The following CCR3 variants were observed in gnomAD, a reference collection of about 807,000 sequenced individuals.
CCR3 encodes C-C chemokine receptor type 3.
For synonymous variants in CCR3, 203 were observed against 179.2 expected, an observed-to-expected ratio of 1.13 and a Z score of -1.06; for missense variants, 419 against 437.5, an observed-to-expected ratio of 0.96 and a Z score of 0.38.
chr3:46,256,864 C>A (rs918668344), intron 1 of CCR3, among the ~76,000 whole-genome samples: 1 of 151,898 alleles, frequency 6.6e-6, no homozygotes. Flanking sequence ...GCCCAAAGAG[C>A]CAAGACCTCG....
Position 46,246,964 on chromosome 3 carries a change from T to C in CCR3, c.-12+4426T>C, listed in dbSNP as rs545388006. On this transcript the variant is annotated intron_variant, in intron 1 of 1. Transcript: ENST00000395940. ...AAGAAACATTTGTCGTATAGAATGA[T>C]TGGTGATGGCCTGGATATGGTTTTG... is the stretch of plus-strand genomic sequence containing the variant. Among the ~76,000 whole-genome samples the C allele has an allele frequency of 7.2e-5, 11 of 152,044 alleles. No individual in the cohort carries two copies. In the East Asian group the frequency reaches 1.4e-3, roughly 19 times the overall value.
At chr3:46,219,281 G>A (rs1234822454) in intron 2 of CCR3, among the ~76,000 whole-genome samples, 1 of 151,966 alleles carries the variant, frequency 6.6e-6, no homozygotes, top group Non-Finnish European at 1.5e-5. Context: ...TAATCAAAGA[G>A]GTGAAAGATC....
At chr3:46,254,138 T>A (rs2125932088) in intron 1 of CCR3, among the ~76,000 whole-genome samples, 1 of 152,258 alleles carries the variant, frequency 6.6e-6, no homozygotes, top group South Asian at 2.1e-4. Context: ...AATAGAATTA[T>A]CCAGCAATGA....
At chr3:46,239,655 G>A (rs1025596378), upstream of CCR3, among the ~76,000 whole-genome samples, 2 of 152,202 alleles carry the variant, frequency 1.3e-5, no homozygotes, top group Admixed American at 6.5e-5. Flanking sequence ...GTGTGAGCTT[G>A]GACAGGTCAC....
chr3:46,218,859 C>G (rs1230420626), intron 2 of CCR3, among the ~76,000 whole-genome samples: 1 of 152,104 alleles, frequency 6.6e-6, no homozygotes, highest in Admixed American at 6.5e-5. Flanking sequence ...ATGACAACCC[C>G]ACAGCTAACA....
chr3:46,229,694 C>T (rs1348637004), intron 2 of CCR3, among the ~76,000 whole-genome samples: 1 of 152,056 alleles, frequency 6.6e-6, no homozygotes, highest in Non-Finnish European at 1.5e-5. Flanking sequence ...AAATCACGGA[C>T]ATTAAATTGA....
At chr3:46,263,537 A>G (rs1700564810) in intron 1 of CCR3, 1 of 153,424 alleles carries the variant, frequency 6.5e-6, no homozygotes, top group Non-Finnish European at 1.5e-5. Flanking sequence ...GACCCATGAA[A>G]AGAGATCAAC....
At chr3:46,253,429 C>T (rs1360543407) in intron 1 of CCR3, among the ~76,000 whole-genome samples, 1 of 152,134 alleles carries the variant, frequency 6.6e-6, no homozygotes, top group African/African-American at 2.4e-5. Context: ...GGATTTTCTC[C>T]AGGATGGATA....
intron 2 of CCR3, among the ~76,000 whole-genome samples, chr3:46,215,690 G>T (rs893461959): frequency 6.6e-6 from 1 of 152,190 alleles, no homozygotes; most frequent in African/African-American, 2.4e-5. Flanking sequence ...GAAGTTAGCT[G>T]GAGTCAGAAA....
chr3:46,228,559 G>A (rs943816707), intron 2 of CCR3, among the ~76,000 whole-genome samples: 2 of 152,092 alleles, frequency 1.3e-5, no homozygotes, highest in African/African-American at 2.4e-5. Flanking sequence ...CACGTTCTTG[G>A]TACCCAGACT....
chr3:46,246,695 G>T (rs1478821629), intron 1 of CCR3, among the ~76,000 whole-genome samples: 1 of 152,072 alleles, frequency 6.6e-6, no homozygotes, highest in Admixed American at 6.5e-5. Flanking sequence ...CAGGGGATGG[G>T]ATAGCTTGGC....
At chr3:46,248,119 A>T (rs554256805) in intron 1 of CCR3, among the ~76,000 whole-genome samples, 1 of 152,170 alleles carries the variant, frequency 6.6e-6, no homozygotes, top group Non-Finnish European at 1.5e-5. Context: ...AATGGGGTGA[A>T]TGTCAGGTGG....
chr3:46,212,768 A>G (rs1699731278), intron 2 of CCR3, among the ~76,000 whole-genome samples: 1 of 152,104 alleles, frequency 6.6e-6, no homozygotes, highest in African/African-American at 2.4e-5. Context: ...TCCCAAAGTG[A>G]AAGAGGGCAT....
At chr3:46,255,544 CTT>C (rs957235135) in intron 1 of CCR3, among the ~76,000 whole-genome samples, 1 of 152,092 alleles carries the variant, frequency 6.6e-6, no homozygotes, top group African/African-American at 2.4e-5. Flanking sequence ...AGATTTAAGT[CTT>C]TGATCCATCT....
chr3:46,264,491 A>G (rs1326065826), intron 1 of CCR3: 1 of 1,373,672 alleles, frequency 7.3e-7, no homozygotes, highest in African/African-American at 1.4e-5. Flanking sequence ...AAATTTAAAA[A>G]TCACTACATT....
intron 1 of CCR3, among the ~76,000 whole-genome samples, chr3:46,257,402 C>T (rs1559537126): frequency 6.7e-6 from 1 of 148,850 alleles, no homozygotes; most frequent in Non-Finnish European, 1.5e-5. Context: ...ATTAAAGTAA[C>T]CTCATACACT....
intron 2 of CCR3, among the ~76,000 whole-genome samples, chr3:46,232,636 G>A (rs1699978948): frequency 6.6e-6 from 1 of 152,142 alleles, no homozygotes; most frequent in South Asian, 2.1e-4. Flanking sequence ...GGCTGCACCG[G>A]TGGTTTGCCC....
At chr3:46,241,214 CT>C (rs924307382), upstream of CCR3, among the ~76,000 whole-genome samples, 1 of 151,494 alleles carries the variant, frequency 6.6e-6, no homozygotes, top group Non-Finnish European at 1.5e-5. Context: ...CTTTCTTTGT[CT>C]TTTGTTCCTA....
Position 46,217,352 on chromosome 3 carries a change from A to G in CCR3, c.-68+6445A>G, listed in dbSNP as rs577846920. ...GACCTGAGAAATGAGATTGATGGCAACACAATAGTCGTAGGGGAAGTCAGT... is the reference window on the plus strand; with the variant it reads ...GACCTGAGAAATGAGATTGATGGCAGCACAATAGTCGTAGGGGAAGTCAGT... On this transcript the variant is annotated intron_variant, in intron 2 of 3. Transcript: ENST00000357422. 1.3e-4 allele frequency among the ~76,000 whole-genome samples: 20 copies of G among 152,328 alleles called. No homozygotes were observed. The South Asian group carries it at 3.7e-3, about 28-fold the overall frequency.
Sources: gnomAD v4.1 joint callset for allele counts (sites outside exome capture counted in the v4.1 genomes callset) on GRCh38, gnomAD v4.1.1 for gene constraint, MANE v1.5 for transcripts, NCBI Gene and HGNC (gene_info 2026-07-23, HGNC 2026-07-21) for gene names.